SMCHD1: variants seen among roughly 807,000 people sequenced by gnomAD.
SMCHD1 encodes structural maintenance of chromosomes flexible hinge domain-containing protein 1.
In SMCHD1, 78 loss-of-function variants were observed where a neutral mutation model predicts 254.7. The ratio of observed to expected loss-of-function variants is 0.31; its 90% CI spans 0.26 to 0.37. The LOEUF (loss-of-function observed/expected upper bound fraction) is 0.37, where lower values mean the gene tolerates loss of function less well. SMCHD1 is among the 10% of genes least tolerant of loss of function. The pLI, the probability that SMCHD1 is intolerant of heterozygous loss-of-function variation, is 1.00. For synonymous variants in SMCHD1, 766 were observed against 794.9 expected, an observed-to-expected ratio of 0.96 and a Z score of 0.61; for missense variants, 1,840 against 2,408.1, an observed-to-expected ratio of 0.76 and a Z score of 4.94.
Position 2,740,727 on chromosome 18 carries a change from G to A in SMCHD1, c.3539G>A (p.Gly1180Glu). 6.2e-7 allele frequency: 1 copy of A among 1,608,218 alleles called. No homozygotes were observed. Among genetic ancestry groups the A allele is most frequent in the Non-Finnish European group, 8.5e-7 (1 of 1,175,800 alleles). Reference protein sequence around the residue: ...EVVIIITDQYGNQIQAFSPSS... With the variant: ...EVVIIITDQYENQIQAFSPSS... ...GTTATAATAATTACAGATCAGTACG[G>A]AAATCAGATTCAAGCATTTTCACCA... The change falls in exon 28 of 48, where the codon GGA becomes GAA. Residue 1180 changes from glycine to glutamate, a missense_variant. Gly to Glu is a moderately conservative substitution (Grantham distance 98). Coordinates refer to ENST00000320876, the MANE Select transcript of SMCHD1 (RefSeq NM_015295.3).
chr18:2,702,011 A>G (rs1449554463), intron 12 of SMCHD1, among the ~76,000 whole-genome samples: 2 of 151,674 alleles, frequency 1.3e-5, no homozygotes, highest in African/African-American at 4.8e-5. Context: ...ATGAGTTACT[A>G]CTCCTTTATA....
chr18:2,716,842 T>C (rs1335021780), intron 17 of SMCHD1, among the ~76,000 whole-genome samples: 2 of 152,220 alleles, frequency 1.3e-5, no homozygotes, highest in Admixed American at 6.5e-5. Context: ...ACAGGCAGTC[T>C]GTCCTCAGAT....
chr18:2,687,631 A>C (rs1190194801), intron 5 of SMCHD1, among the ~76,000 whole-genome samples: 1 of 152,120 alleles, frequency 6.6e-6, no homozygotes, highest in Admixed American at 6.5e-5. Flanking sequence ...GCTATTTTCC[A>C]TTCTCTGTCC....
At position 2,708,875 on chromosome 18, in the gene SMCHD1, T is replaced by C. The variant is rs1346693852; in HGVS notation, c.2260+955T>C. On this transcript the variant is annotated intron_variant, in intron 17 of 47. Transcript: ENST00000320876. ...TCTATTTTCAATAACTTCATATATA[T>C]ATATATATATATATATATATATATA... is the stretch of plus-strand genomic sequence containing the variant. Among the ~76,000 whole-genome samples, 3 of 47,062 alleles carry C rather than the reference T, an allele frequency of 6.4e-5. No individual in the cohort carries two copies. In the East Asian group the frequency reaches 3.3e-3, roughly 52 times the overall value. The allele number at this position is 47,062 out of a possible 152,430, so 30.9% of individuals were successfully genotyped here. A position where few individuals can be genotyped will look rare whatever the true frequency, so the allele number is the denominator to read the frequency against.
intron 41 of SMCHD1, among the ~76,000 whole-genome samples, chr18:2,775,408 A>G (rs2076051153): frequency 6.6e-6 from 1 of 152,104 alleles, no homozygotes; most frequent in South Asian, 2.1e-4. Flanking sequence ...TAGTGTTAAA[A>G]TGTGAAAAAA....
chr18:2,727,944 A>G (rs191281477), intron 22 of SMCHD1, among the ~76,000 whole-genome samples: 1 of 152,190 alleles, frequency 6.6e-6, no homozygotes, highest in African/African-American at 2.4e-5. Flanking sequence ...GTATAAGCCT[A>G]CTTTTCTTAA....
intron 1 of SMCHD1, among the ~76,000 whole-genome samples, chr18:2,664,135 A>G (rs866358716): frequency 6.6e-6 from 1 of 152,174 alleles, no homozygotes; most frequent in African/African-American, 2.4e-5. Context: ...TTACCACACT[A>G]GGATCATTTT....
chr18:2,703,650 T>C (rs1387206875), intron 12 of SMCHD1, 42 bp from the exon 13 acceptor site: 1 of 1,458,270 alleles, frequency 6.9e-7, no homozygotes, highest in Non-Finnish European at 9.4e-7. Context: ...TATATTTGTT[T>C]GCTAGTAGCT....
At chr18:2,668,906 A>G (rs573080385) in intron 3 of SMCHD1, among the ~76,000 whole-genome samples, 27 of 152,080 alleles carry the variant, frequency 1.8e-4, no homozygotes, top group African/African-American at 6.3e-4. Context: ...GAGGGTCCAT[A>G]TTCTTGATTT....
At chr18:2,682,565 A>C (rs1364549966) in intron 5 of SMCHD1, among the ~76,000 whole-genome samples, 2 of 151,866 alleles carry the variant, frequency 1.3e-5, no homozygotes, top group African/African-American at 4.8e-5. Context: ...CAGGTGATAC[A>C]CCCACCTCAG....
rs758476553 is a variant in SMCHD1 at position 2,732,259 on chromosome 18, T to G, written c.3049-6T>G. The G allele has an allele frequency of 9.9e-6, 16 of 1,609,920 alleles. 1 individual carries two copies. Among genetic ancestry groups the G allele is most frequent in the Non-Finnish European group, 1.4e-5 (16 of 1,177,204 alleles). ...ACTCAGTGTTTGTGTTTTCTTCTCT[T>G]TCTAGAGTTGTAAAGATGTGGCACC... On this transcript the variant is annotated splice_region_variant and splice_polypyrimidine_tract_variant and intron_variant, in intron 24 of 47. Transcript: ENST00000320876.
intron 7 of SMCHD1, among the ~76,000 whole-genome samples, chr18:2,690,991 T>C (rs141637680): frequency 6.6e-6 from 1 of 152,054 alleles, no homozygotes; most frequent in Non-Finnish European, 1.5e-5. Context: ...CTTTCATTAG[T>C]TGATGGGTTG....
intron 7 of SMCHD1, among the ~76,000 whole-genome samples, chr18:2,694,205 A>G (rs993410916): frequency 1.3e-5 from 2 of 152,238 alleles, no homozygotes. Context: ...CCCTAGGGGT[A>G]AGTGTCCTCA....
chr18:2,660,431 CTTAA>C (rs1169415274), intron 1 of SMCHD1, among the ~76,000 whole-genome samples: 2 of 147,182 alleles, frequency 1.4e-5, no homozygotes, highest in African/African-American at 5.1e-5. Context: ...GTTTATGTGT[CTTAA>C]TTAAATAATA....
intron 3 of SMCHD1, among the ~76,000 whole-genome samples, chr18:2,672,239 GT>G (rs1370518952): frequency 1.3e-5 from 2 of 151,694 alleles, no homozygotes; most frequent in Non-Finnish European, 2.9e-5. Flanking sequence ...TTTTGTTTTT[GT>G]TTTTGAGATA....
At chr18:2,761,541 G>A (rs2075783208) in intron 35 of SMCHD1, among the ~76,000 whole-genome samples, 1 of 152,192 alleles carries the variant, frequency 6.6e-6, no homozygotes, top group African/African-American at 2.4e-5. Context: ...TATAGGCTGG[G>A]TGCAGTGGCT....
At chr18:2,709,249 TACAC>T (rs55996930) in intron 17 of SMCHD1, among the ~76,000 whole-genome samples, 2 of 146,064 alleles carry the variant, frequency 1.4e-5, no homozygotes, top group African/African-American at 5.0e-5. Flanking sequence ...TATATATATA[TACAC>T]ACACACATGT....
Position 2,722,520 on chromosome 18 carries a change from G to T in SMCHD1, c.2460G>T (p.Glu820Asp). 6.2e-7 allele frequency: 1 copy of T among 1,611,324 alleles called. No individual in the cohort carries two copies. The highest frequency in any genetic ancestry group is 8.5e-7 in the Non-Finnish European group (1 of 1,178,918). Reference protein sequence around the residue: ...PSKAIKFSVKEGKPEKFSFGL... With the variant: ...PSKAIKFSVKDGKPEKFSFGL... ...ATTTCATTTTTGTTTTTGTTAAAGAGGGTAAGCCAGAGAAATTTTCATTTG... is the reference window on the plus strand; with the variant it reads ...ATTTCATTTTTGTTTTTGTTAAAGATGGTAAGCCAGAGAAATTTTCATTTG... The change falls in exon 20 of 48, where the codon GAG becomes GAT. Residue 820 changes from glutamate to aspartate, a missense_variant and splice_region_variant. Coordinates refer to ENST00000320876, the MANE Select transcript of SMCHD1 (RefSeq NM_015295.3).
intron 1 of SMCHD1, among the ~76,000 whole-genome samples, chr18:2,656,502 T>G (rs2143733665): frequency 6.6e-6 from 1 of 152,322 alleles, no homozygotes. Context: ...CTGCCTCCGC[T>G]CCTTTTACGG....
Sources: gnomAD v4.1 joint callset for allele counts (sites outside exome capture counted in the v4.1 genomes callset) on GRCh38, gnomAD v4.1.1 for gene constraint, MANE v1.5 for transcripts, NCBI Gene and HGNC (gene_info 2026-07-23, HGNC 2026-07-21) for gene names.